Variants in BMPR2 observed in about 807,000 individuals in gnomAD.
The protein encoded by BMPR2 is bone morphogenetic protein receptor type 2.
Under a neutral mutation model 100.8 loss-of-function variants are expected in BMPR2, and 29 were observed. The observed-to-expected ratio is 0.29, with a 90% CI of 0.21 to 0.39. The LOEUF is 0.39. Among genes scored for constraint, BMPR2 ranks in the 10% least tolerant of loss-of-function variants. The pLI, the probability that BMPR2 is intolerant of heterozygous loss-of-function variation, is 1.00. For missense variants in BMPR2, 1,011 were observed against 1,274.5 expected (o/e 0.79, Z 3.15); for synonymous variants, 382 against 442.3 (o/e 0.86, Z 1.71).
At chr2:202,504,424 G>A (rs1262710952) in intron 3 of BMPR2, among the ~76,000 whole-genome samples, 3 of 151,878 alleles carry the variant, frequency 2.0e-5, no homozygotes, top group African/African-American at 7.3e-5. Context: ...AACACTCACC[G>A]CGAAGGTCTG....
At chr2:202,526,091 C>T (rs1439306643) in intron 7 of BMPR2, among the ~76,000 whole-genome samples, 1 of 151,966 alleles carries the variant, frequency 6.6e-6, no homozygotes, top group African/African-American at 2.4e-5. Flanking sequence ...GTCTTGAACT[C>T]CTGACCTCAG....
At chr2:202,501,364 G>A (rs1687387306) in intron 3 of BMPR2, among the ~76,000 whole-genome samples, 1 of 152,160 alleles carries the variant, frequency 6.6e-6, no homozygotes, top group Non-Finnish European at 1.5e-5. Context: ...AAACCCAGAA[G>A]GCAAATACTC....
At chr2:202,386,527 A>C (rs950374481) in intron 1 of BMPR2, among the ~76,000 whole-genome samples, 2 of 151,900 alleles carry the variant, frequency 1.3e-5, no homozygotes, top group South Asian at 4.1e-4. Flanking sequence ...CTAGAATCTT[A>C]TTGCTTCTTA....
rs149357636 is a variant in BMPR2, at chr2:202,409,389, A to G, written c.76+31839A>G. 3.6e-4 allele frequency among the ~76,000 whole-genome samples: 55 copies of G among 152,104 alleles called. 1 individual carries two copies. Among genetic ancestry groups the G allele is most frequent in the Admixed American group, 8.5e-4 (13 of 15,250 alleles). ...TACACATATATTTCAAAAAAATTATATTTTCCAAAACCAAAAACCCCACAG... is the reference window on the plus strand; with the variant it reads ...TACACATATATTTCAAAAAAATTATGTTTTCCAAAACCAAAAACCCCACAG... On this transcript the variant is annotated intron_variant, in intron 1 of 12. Transcript: ENST00000374580.
At chr2:202,487,121 T>A (rs1692794505) in intron 3 of BMPR2, among the ~76,000 whole-genome samples, 1 of 152,218 alleles carries the variant, frequency 6.6e-6, no homozygotes, top group Admixed American at 6.5e-5. Context: ...AACTATTTTT[T>A]AATTATGTTC....
Position 202,382,114 on chromosome 2 carries a change from G to C in BMPR2, c.76+4564G>C, listed in dbSNP as rs569159577. The stretch of plus-strand genomic sequence containing the variant: ...TTGCTCTGTCACACAGCCTGGAGTG[G>C]AGTGGCACGATCTCGACTCATTACA... On this transcript the variant is annotated intron_variant, in intron 1 of 12. Transcript: ENST00000374580. Among the ~76,000 whole-genome samples, 4 of 149,240 alleles carry C rather than the reference G, an allele frequency of 2.7e-5. No homozygotes were observed. The East Asian group carries it at 7.8e-4, about 29-fold the overall frequency.
At chr2:202,522,912 T>C (rs538545016) in intron 7 of BMPR2, among the ~76,000 whole-genome samples, 1 of 152,274 alleles carries the variant, frequency 6.6e-6, no homozygotes, top group African/African-American at 2.4e-5. Flanking sequence ...TTAGAAAATG[T>C]TCTTTTCAAA....
chr2:202,523,010 A>G (rs535165895), intron 7 of BMPR2, among the ~76,000 whole-genome samples: 36 of 152,320 alleles, frequency 2.4e-4, no homozygotes, highest in Admixed American at 9.8e-4. Context: ...TCCAGAATGT[A>G]TAAGGAACTT....
At position 202,465,811 on chromosome 2, in the gene BMPR2, C is replaced by A. The variant is rs1003626573; in HGVS notation, c.247+832C>A. 2.0e-5 allele frequency among the ~76,000 whole-genome samples: 3 copies of A among 152,210 alleles called. No homozygotes were observed. The South Asian group carries it at 6.2e-4, about 32-fold the overall frequency. On this transcript the variant is annotated intron_variant, in intron 2 of 12. Transcript: ENST00000374580. Reference sequence around the variant, plus strand: ...GAGCTTGCAGTGAGCCGAGATCGCACCACTGCACTCCAGCCTGGGCGACAG... The same window carrying A: ...GAGCTTGCAGTGAGCCGAGATCGCAACACTGCACTCCAGCCTGGGCGACAG...
rs759293027 is a variant in BMPR2 at position 202,555,646 on chromosome 2, G to C, written c.1981G>C (p.Glu661Gln). The C allele has an allele frequency of 9.3e-6, 15 of 1,614,002 alleles. No homozygotes were observed. The highest frequency in any genetic ancestry group is 1.3e-5 in the Non-Finnish European group (15 of 1,180,044). ...CCCTGTCTGCTTACAGCTGACAGAA[G>C]AAGACTTGGAAACCAACAAGCTAGA... ...PTPVCLQLTEEDLETNKLDPK... is the reference protein window; with the variant it reads ...PTPVCLQLTEQDLETNKLDPK... The change falls in exon 12 of 13, where the codon GAA becomes CAA. Residue 661 changes from glutamate to glutamine, a missense_variant. Glu to Gln is a conservative substitution (Grantham distance 29). Transcript: ENST00000374580.
Position 202,380,196 on chromosome 2 carries a change from CA to C in BMPR2, c.76+2657del, listed in dbSNP as rs55798616. ...CTTAGAACATTTTCTATGCCCCCCC[CA>C]AAAAAAAAAACAACTTATGAAAAAT... On this transcript the variant is annotated intron_variant, in intron 1 of 12. Transcript: ENST00000374580. Among the ~76,000 whole-genome samples the C allele has an allele frequency of 2.3e-3, 310 of 136,898 alleles. 1 individual carries two copies. Among genetic ancestry groups the C allele is most frequent in the African/African-American group, 6.5e-3 (243 of 37,648 alleles). 89.8% of individuals were successfully genotyped at this position (136,898 alleles called of 152,430 possible). A position where few individuals can be genotyped will look rare whatever the true frequency, so the allele number is the denominator to read the frequency against.
chr2:202,458,078 T>C lies in BMPR2; in HGVS notation c.77-6731T>C, dbSNP rs564169454. Among the ~76,000 whole-genome samples the C allele has an allele frequency of 3.3e-4, 50 of 152,118 alleles. No homozygotes were observed. In the South Asian group the frequency reaches 0.01, roughly 32 times the overall value. On this transcript the variant is annotated intron_variant, in intron 1 of 12. Transcript: ENST00000374580. ...GATTGGACACCTTCAGTTTAAATGA[T>C]ATGGTAACACATGGACAATTCTGTA...
chr2:202,382,783 G>T (rs565220916), intron 1 of BMPR2, among the ~76,000 whole-genome samples: 1 of 152,054 alleles, frequency 6.6e-6, no homozygotes, highest in Non-Finnish European at 1.5e-5. Flanking sequence ...ATATGATTCC[G>T]GGCAAATAGG....
At chr2:202,391,869 C>G (rs911984539) in intron 1 of BMPR2, among the ~76,000 whole-genome samples, 2 of 151,648 alleles carry the variant, frequency 1.3e-5, no homozygotes, top group African/African-American at 4.8e-5. Flanking sequence ...TCAAGCGATT[C>G]TCCTACCTCA....
chr2:202,560,030 T>A lies in BMPR2; in HGVS notation c.*84T>A, dbSNP rs1469447498. ...TGTTTAAAAATAAAAAAAAAACTGCTTTATCCTCCTGTCAGCACCCCCTCC... is the reference window on the plus strand; with the variant it reads ...TGTTTAAAAATAAAAAAAAAACTGCATTATCCTCCTGTCAGCACCCCCTCC... On this transcript the variant is annotated 3_prime_UTR_variant, in exon 13 of 13. Coordinates refer to ENST00000374580, the MANE Select transcript of BMPR2 (RefSeq NM_001204.7). The A allele has an allele frequency of 6.4e-7, 1 of 1,552,204 alleles. No homozygotes were observed. The highest frequency in any genetic ancestry group is 8.8e-7 in the Non-Finnish European group (1 of 1,138,818).
intron 1 of BMPR2, among the ~76,000 whole-genome samples, chr2:202,433,238 A>G (rs1195531890): frequency 6.6e-6 from 1 of 150,504 alleles, no homozygotes; most frequent in Non-Finnish European, 1.5e-5. Context: ...AAACAGAACC[A>G]ATAGGAGTAA....
chr2:202,494,534 T>C (rs1183311366), intron 3 of BMPR2, among the ~76,000 whole-genome samples: 1 of 152,204 alleles, frequency 6.6e-6, no homozygotes, highest in East Asian at 1.9e-4. Context: ...CCCTGTCTGT[T>C]CTGCATTCAG....
At chr2:202,492,319 A>C (rs950696402) in intron 3 of BMPR2, among the ~76,000 whole-genome samples, 1 of 151,978 alleles carries the variant, frequency 6.6e-6, no homozygotes, top group Non-Finnish European at 1.5e-5. Flanking sequence ...TTGTATTATA[A>C]ACATTTTCGT....
At chr2:202,415,238 G>A (rs540987042) in intron 1 of BMPR2, among the ~76,000 whole-genome samples, 154 of 152,212 alleles carry the variant, frequency 1.0e-3, no homozygotes, top group African/African-American at 3.6e-3. Flanking sequence ...GGGAGGCCGA[G>A]GCGGGCAGAT....
Sources: allele counts gnomAD v4.1 joint callset (sites outside exome capture counted in the v4.1 genomes callset), GRCh38; gene constraint gnomAD v4.1.1; transcripts MANE v1.5; gene names NCBI Gene and HGNC (gene_info 2026-07-23, HGNC 2026-07-21).